The following GLIS3 variants were observed in gnomAD, a reference collection of about 807,000 sequenced individuals.
GLIS3 encodes zinc finger protein GLIS3.
A neutral mutation model predicts 78.6 loss-of-function variants in GLIS3; 53 were observed. The observed-to-expected ratio is 0.67, with a 90% confidence interval of 0.54 to 0.85. The LOEUF (loss-of-function observed/expected upper bound fraction) is 0.85. Among genes scored for constraint, GLIS3 ranks in the 40% least tolerant of loss-of-function variants. GLIS3 has a pLI of 0.00. For synonymous variants in GLIS3, 684 were observed against 509.9 expected (o/e 1.34, Z -4.60); for missense variants, 1,703 against 1,231.1 (o/e 1.38, Z -5.74).
chr9:4,229,510 G>A (rs900268307), intron 2 of GLIS3, among the ~76,000 whole-genome samples: 77 of 152,320 alleles, frequency 5.1e-4, no homozygotes, highest in African/African-American at 1.8e-3. Context: ...GGCTGGAGAA[G>A]TGTCTCCTGC....
chr9:4,263,102 C>G (rs934964112), intron 2 of GLIS3, among the ~76,000 whole-genome samples: 1 of 152,082 alleles, frequency 6.6e-6, no homozygotes, highest in Non-Finnish European at 1.5e-5. Flanking sequence ...AAAATGTAAC[C>G]CACACTGAAA....
chr9:4,101,408 G>T (rs1021017380), intron 4 of GLIS3, among the ~76,000 whole-genome samples: 6 of 152,036 alleles, frequency 3.9e-5, no homozygotes, highest in African/African-American at 1.4e-4. Flanking sequence ...ACTTAATTTT[G>T]TTCTTTCATG....
chr9:4,001,186 T>G (rs535953236), intron 4 of GLIS3, among the ~76,000 whole-genome samples: 1 of 152,218 alleles, frequency 6.6e-6, no homozygotes, highest in Non-Finnish European at 1.5e-5. Flanking sequence ...GCATGTTACA[T>G]ATACTTAAAT....
intron 4 of GLIS3, among the ~76,000 whole-genome samples, chr9:3,984,895 G>A (rs535652689): frequency 6.6e-6 from 1 of 152,154 alleles, no homozygotes; most frequent in African/African-American, 2.4e-5. Context: ...CAAAGTGGGA[G>A]TTTCTCTGTA....
chr9:3,914,106 C>T (rs1371750982), intron 6 of GLIS3, among the ~76,000 whole-genome samples: 6 of 151,296 alleles, frequency 4.0e-5, no homozygotes, highest in South Asian at 2.1e-4. Context: ...GAAATTGAAC[C>T]GAAATTTTTT....
At chr9:4,036,152 C>A (rs1824279501) in intron 4 of GLIS3, among the ~76,000 whole-genome samples, 1 of 152,206 alleles carries the variant, frequency 6.6e-6, no homozygotes, top group Non-Finnish European at 1.5e-5. Context: ...TTTTCCTTTA[C>A]CGTTTGAAGA....
At chr9:3,931,879 T>A (rs536686830) in intron 6 of GLIS3, among the ~76,000 whole-genome samples, 1 of 152,350 alleles carries the variant, frequency 6.6e-6, no homozygotes, top group Admixed American at 6.5e-5. Context: ...GCTTAAAGAA[T>A]GCTCTCTACT....
chr9:4,313,930 T>A (rs1332162129), intron 2 of GLIS3, among the ~76,000 whole-genome samples: 1 of 152,172 alleles, frequency 6.6e-6, no homozygotes, highest in Non-Finnish European at 1.5e-5. Context: ...AAAATATAAA[T>A]GTGTAAATGG....
chr9:4,252,226 T>A (rs535657370), intron 2 of GLIS3, among the ~76,000 whole-genome samples: 10 of 152,340 alleles, frequency 6.6e-5, no homozygotes, highest in South Asian at 6.2e-4. Flanking sequence ...ATTCTCCCCG[T>A]CACTTTCAGG....
intron 8 of GLIS3, among the ~76,000 whole-genome samples, chr9:3,858,295 C>CTA (rs1491096199): frequency 3.3e-5 from 5 of 151,996 alleles, no homozygotes; most frequent in East Asian, 3.9e-4. Flanking sequence ...TATCTAGATC[C>CTA]TATATATATA....
At chr9:3,976,998 T>C (rs1187063208) in intron 4 of GLIS3, among the ~76,000 whole-genome samples, 1 of 151,944 alleles carries the variant, frequency 6.6e-6, no homozygotes, top group Non-Finnish European at 1.5e-5. Context: ...AGATGGCTCC[T>C]GCTAGTTAAA....
intron 2 of GLIS3, among the ~76,000 whole-genome samples, chr9:4,160,983 C>G (rs1386489142): frequency 3.3e-5 from 5 of 150,340 alleles, no homozygotes; most frequent in Non-Finnish European, 5.9e-5. Context: ...GTGGTTCATG[C>G]CTATAATCCC....
the GLIS3 span, among the ~76,000 whole-genome samples, chr9:4,477,152 G>C: frequency 6.6e-6 from 1 of 151,878 alleles, no homozygotes; most frequent in Non-Finnish European, 1.5e-5. Flanking sequence ...ACCAAAAGGC[G>C]GAAGCAACCC....
intron 4 of GLIS3, among the ~76,000 whole-genome samples, chr9:3,946,357 ACTC>A (rs1280022156): frequency 6.6e-6 from 1 of 152,126 alleles, no homozygotes; most frequent in Admixed American, 6.5e-5. Flanking sequence ...GAGAAAATGA[ACTC>A]CTTGTAAGAA....
the GLIS3 span, among the ~76,000 whole-genome samples, chr9:4,399,928 G>A: frequency 6.6e-5 from 10 of 152,196 alleles, no homozygotes; most frequent in Non-Finnish European, 8.8e-5. Flanking sequence ...GAGATACTAC[G>A]TGGTCTTTTC....
At chr9:4,391,579 TG>T in the GLIS3 span, among the ~76,000 whole-genome samples, 2 of 143,422 alleles carry the variant, frequency 1.4e-5, no homozygotes, top group African/African-American at 5.5e-5. Context: ...GTGTGTGTGT[TG>T]GGCTCGGGTA....
chr9:4,053,675 G>A (rs1825905505), intron 4 of GLIS3, among the ~76,000 whole-genome samples: 1 of 116,356 alleles, frequency 8.6e-6, no homozygotes. Flanking sequence ...GGAAGAGCCA[G>A]ACTCAGTGCC....
At chr9:4,259,950 A>C (rs546780423) in intron 2 of GLIS3, among the ~76,000 whole-genome samples, 4 of 152,362 alleles carry the variant, frequency 2.6e-5, no homozygotes, top group Non-Finnish European at 4.4e-5. Context: ...TTTCACCAGC[A>C]GACTTTGTCT....
At chr9:4,010,820 C>G (rs1821944048) in intron 4 of GLIS3, among the ~76,000 whole-genome samples, 1 of 152,154 alleles carries the variant, frequency 6.6e-6, no homozygotes, top group Admixed American at 6.5e-5. Context: ...GTCCTGTGTT[C>G]TACACCAAAC....
Sources: gnomAD v4.1 joint callset for allele counts (sites outside exome capture counted in the v4.1 genomes callset) on GRCh38, gnomAD v4.1.1 for gene constraint, MANE v1.5 for transcripts, NCBI Gene and HGNC (gene_info 2026-07-23, HGNC 2026-07-21) for gene names.